DHRS9: variants seen among roughly 807,000 people sequenced by gnomAD.
DHRS9 encodes dehydrogenase/reductase SDR family member 9.
In DHRS9, 18 loss-of-function variants were observed where a neutral mutation model predicts 26.6. That is an observed-to-expected ratio of 0.68 (90% CI 0.47 to 1.00). The LOEUF (loss-of-function observed/expected upper bound fraction) is 1.00. Among genes scored for constraint, DHRS9 ranks in the 50% least tolerant of loss-of-function variants. DHRS9 has a pLI of 0.00. For synonymous variants in DHRS9, 134 were observed against 141.1 expected (o/e 0.95, Z 0.36); for missense variants, 425 against 378.7 (o/e 1.12, Z -1.01).
intron 2 of DHRS9, among the ~76,000 whole-genome samples, chr2:169,082,869 C>A (rs1238977971): frequency 9.5e-6 from 1 of 105,014 alleles, no homozygotes; most frequent in Admixed American, 1.5e-4. Flanking sequence ...CATCACACAT[C>A]GGGGCCTGTT....
At chr2:169,068,115 G>A (rs1683699684), upstream of DHRS9, among the ~76,000 whole-genome samples, 1 of 152,210 alleles carries the variant, frequency 6.6e-6, no homozygotes, top group African/African-American at 2.4e-5. Context: ...GGTGCATGAG[G>A]CTCTCTTCTC....
intron 2 of DHRS9, 26 bp from the exon 3 acceptor site, chr2:169,083,303 C>G: frequency 6.2e-7 from 1 of 1,609,676 alleles, no homozygotes; most frequent in East Asian, 2.2e-5. Context: ...TCTTACCACA[C>G]CTCTTTTCCT....
At chr2:169,070,606 T>C in intron 1 of DHRS9, 1 of 984,776 alleles carries the variant, frequency 1.0e-6, no homozygotes, top group Admixed American at 6.1e-5. Context: ...ACCACCTTTC[T>C]ATTCTATTTT....
chr2:169,092,479 T>C (rs1435211365), intron 4 of DHRS9, among the ~76,000 whole-genome samples: 1 of 152,190 alleles, frequency 6.6e-6, no homozygotes, highest in Admixed American at 6.5e-5. Context: ...AACAATGAAA[T>C]AATGTAGCAC....
At chr2:169,079,920 G>GGAGAGAGAGA (rs1200500362) in intron 1 of DHRS9, among the ~76,000 whole-genome samples, 1 of 10,316 alleles carries the variant, frequency 9.7e-5, no homozygotes, top group Non-Finnish European at 1.5e-4. Context: ...GGAGGGAGGG[G>GGAGAGAGAGA]GAGAGAGAGA....
intron 1 of DHRS9, 93 bp from the exon 2 acceptor site, chr2:169,081,430 C>A: frequency 7.3e-7 from 1 of 1,378,136 alleles, no homozygotes; most frequent in Non-Finnish European, 9.5e-7. Context: ...TTTATCCACA[C>A]TAATGCATTA....
chr2:169,080,125 G>A (rs1269197137), intron 1 of DHRS9, among the ~76,000 whole-genome samples: 7 of 152,150 alleles, frequency 4.6e-5, no homozygotes, highest in African/African-American at 1.7e-4. Context: ...GAACAGCCAT[G>A]ATTCCAAAAG....
chr2:169,079,923 GA>G (rs1684106111), intron 1 of DHRS9, among the ~76,000 whole-genome samples: 1 of 4,760 alleles, frequency 2.1e-4, no homozygotes, highest in Non-Finnish European at 4.1e-4. Flanking sequence ...GGGAGGGGGA[GA>G]GAGAGAGAGA....
chr2:169,077,949 G>T (rs1166257267), intron 1 of DHRS9, among the ~76,000 whole-genome samples: 2 of 152,174 alleles, frequency 1.3e-5, no homozygotes, highest in East Asian at 3.8e-4. Context: ...GTTGCTTTTG[G>T]CCAGTGGACT....
At chr2:169,094,331 A>C (rs1433525980) in intron 4 of DHRS9, among the ~76,000 whole-genome samples, 1 of 152,072 alleles carries the variant, frequency 6.6e-6, no homozygotes, top group Non-Finnish European at 1.5e-5. Flanking sequence ...AACTGTGCCT[A>C]AGATATAAAG....
At chr2:169,086,906 A>G (rs540757594) in intron 3 of DHRS9, among the ~76,000 whole-genome samples, 5 of 152,178 alleles carry the variant, frequency 3.3e-5, no homozygotes, top group Non-Finnish European at 7.4e-5. Context: ...AGAGTGACAC[A>G]AGCACTCCTG....
In DHRS9 at chr2:169,079,928, AG is replaced by A. The variant is rs1684107062; in HGVS notation, c.-59-1594del. Among the ~76,000 whole-genome samples, 27 of 8,600 alleles carry A rather than the reference AG, an allele frequency of 3.1e-3. 2 individuals are homozygous for A. Among genetic ancestry groups the A allele is most frequent in the Non-Finnish European group, 6.0e-3 (23 of 3,848 alleles). The allele number at this position is 8,600 out of a possible 152,430, so 5.6% of individuals were successfully genotyped here. A position where few individuals can be genotyped will look rare whatever the true frequency, so the allele number is the denominator to read the frequency against. Reference sequence around the variant, plus strand: ...GAGGGAGGGAGGGAGGGGGAGAGAGAGAGAGAGAGAGAGAGAGAGAGAGAGA... The same window carrying A: ...GAGGGAGGGAGGGAGGGGGAGAGAGAAGAGAGAGAGAGAGAGAGAGAGAGA... On this transcript the variant is annotated intron_variant, in intron 1 of 4. Transcript: ENST00000674881.
chr2:169,070,246 G>A (rs891836924), intron 1 of DHRS9: 6 of 985,356 alleles, frequency 6.1e-6, no homozygotes, highest in Non-Finnish European at 7.2e-6. Context: ...TAAAAAAGCA[G>A]GGAAATTCCC....
rs756545200 is a variant in DHRS9 at position 169,083,491 on chromosome 2, T to G, written c.476T>G (p.Val159Gly). Residue 159 changes from valine to glycine, a missense_variant, in exon 3 of 5, where the codon GTT (valine) becomes GGT (glycine). Physicochemically the swap from Val to Gly is moderately radical, Grantham distance 109. Transcript: ENST00000674881. The part of the protein sequence containing the change: ...LPLVKKAQGR[V>G]INVSSVGGRL... ...TTGGTCAAGAAAGCTCAAGGGAGAG[T>G]TATTAATGTCTCCAGTGTTGGAGGT... The G allele has an allele frequency of 2.5e-6, 4 of 1,613,624 alleles. No individual in the cohort carries two copies. In the African/African-American group the frequency reaches 4.0e-5, roughly 16 times the overall value.
At chr2:169,077,624 G>A (rs932206445) in intron 1 of DHRS9, among the ~76,000 whole-genome samples, 6 of 152,082 alleles carry the variant, frequency 3.9e-5, no homozygotes, top group Admixed American at 2.6e-4. Flanking sequence ...AAAAAGATGG[G>A]ATCTTTTTCC....
chr2:169,087,448 G>A (rs969930224), intron 3 of DHRS9, among the ~76,000 whole-genome samples: 1 of 152,108 alleles, frequency 6.6e-6, no homozygotes, highest in Non-Finnish European at 1.5e-5. Context: ...AATTGGAGAC[G>A]CTAAGTGCCC....
At chr2:169,085,133 A>G (rs1437705768) in intron 3 of DHRS9, among the ~76,000 whole-genome samples, 1 of 152,160 alleles carries the variant, frequency 6.6e-6, no homozygotes, top group Non-Finnish European at 1.5e-5. Flanking sequence ...TTTGTCAAAA[A>G]CGAATCATTG....
intron 1 of DHRS9, 85 bp downstream of exon 1, chr2:169,069,802 G>C (rs1212842092): frequency 1.0e-6 from 1 of 967,918 alleles, no homozygotes; most frequent in Non-Finnish European, 1.2e-6. Context: ...CTTGCAGAAT[G>C]AATCGGTGGT....
intron 3 of DHRS9, among the ~76,000 whole-genome samples, chr2:169,085,012 G>A (rs1400600350): frequency 3.9e-5 from 6 of 152,072 alleles, no homozygotes; most frequent in Non-Finnish European, 8.8e-5. Context: ...TTTTGTATAT[G>A]GTAAGAGATT....
Sources: allele counts gnomAD v4.1 joint callset (sites outside exome capture counted in the v4.1 genomes callset), GRCh38; gene constraint gnomAD v4.1.1; transcripts MANE v1.5; gene names NCBI Gene and HGNC (gene_info 2026-07-23, HGNC 2026-07-21).